The following OGDHL variants were observed in gnomAD, a reference collection of about 807,000 sequenced individuals.
The protein encoded by OGDHL is 2-oxoglutarate dehydrogenase-like, mitochondrial.
A neutral mutation model predicts 109.6 loss-of-function variants in OGDHL; 79 were observed. That is an observed-to-expected ratio of 0.72 (90% CI 0.60 to 0.87). The LOEUF (loss-of-function observed/expected upper bound fraction) is 0.87. OGDHL is among the 40% of genes least tolerant of loss of function. The probability of loss-of-function intolerance (pLI) is 0.00; values close to 1 mark genes in which losing one functional copy is unlikely to be tolerated. For synonymous variants in OGDHL, 528 were observed against 537.2 expected, an observed-to-expected ratio of 0.98 and a Z score of 0.24; for missense variants, 1,275 against 1,362.2, an observed-to-expected ratio of 0.94 and a Z score of 1.01.
At position 49,740,857 on chromosome 10, in the gene OGDHL, G is replaced by A; in HGVS notation, c.2013-20C>T. The stretch of plus-strand genomic sequence containing the variant: ...CGGTGACTGCAGAGACACAGACCGG[G>A]GCAGGGACAGAGGGCAGGTGGGCTG... On this transcript the variant is annotated intron_variant, in intron 15 of 22. Transcript: ENST00000374103. 1.2e-6 allele frequency: 2 copies of A among 1,613,348 alleles called. No homozygotes were observed. Among genetic ancestry groups the A allele is most frequent in the Non-Finnish European group, 1.7e-6 (2 of 1,179,612 alleles).
chr10:49,740,351 A>G (rs544116269), intron 16 of OGDHL, among the ~76,000 whole-genome samples: 31 of 152,212 alleles, frequency 2.0e-4, no homozygotes, highest in Non-Finnish European at 3.8e-4. Context: ...AGGAGGCAAG[A>G]TGGGGCTCAA....
chr10:49,738,728 C>A (rs138620602), intron 17 of OGDHL: 2 of 184,336 alleles, frequency 1.1e-5, no homozygotes, highest in Non-Finnish European at 2.3e-5. Context: ...AGGGGCCAAC[C>A]CAACTCGGCC....
At chr10:49,751,015 G>T in intron 6 of OGDHL, 30 bp from the exon 7 acceptor site, 1 of 1,563,156 alleles carries the variant, frequency 6.4e-7, no homozygotes, top group South Asian at 1.2e-5. Context: ...GAAGAGGAAA[G>T]GGAAAGGGAT....
rs1360406666 is a variant in OGDHL at position 49,752,696 on chromosome 10, C to A, written c.420G>T (p.Leu140=). The A allele has an allele frequency of 1.2e-6, 2 of 1,614,072 alleles. No homozygotes were observed. Among genetic ancestry groups the A allele is most frequent in the African/African-American group, 2.7e-5 (2 of 74,956 alleles). Residue 140 remains leucine, a synonymous_variant, in exon 4 of 23, where the codon CTG becomes CTT. Coordinates refer to ENST00000374103, the MANE Select transcript of OGDHL (RefSeq NM_018245.3). Reference sequence around the variant, plus strand: ...GCACAAAGGAGTCCAGGTCTGCATCCAGAATGCCCAGGGGGTCCAGCTGGG... The same window carrying A: ...GCACAAAGGAGTCCAGGTCTGCATCAAGAATGCCCAGGGGGTCCAGCTGGG... ...HVAQLDPLGI[L]DADLDSFVPS... is the part of the protein sequence containing the mutation.
rs780519341 is a variant in OGDHL at position 49,739,719 on chromosome 10, G to T, written c.2261C>A (p.Ala754Asp). 1 of 1,614,146 alleles carries T rather than the reference G, an allele frequency of 6.2e-7. No homozygotes were observed. Among genetic ancestry groups the T allele is most frequent in the Non-Finnish European group, 8.5e-7 (1 of 1,179,980 alleles). The change falls in exon 17 of 23, where the codon GCC (alanine) becomes GAC (aspartate). Residue 754 changes from alanine to aspartate, a missense_variant. By Grantham distance (126) the Ala-to-Asp change is moderately radical (BLOSUM62 -2). Coordinates refer to ENST00000374103, the MANE Select transcript of OGDHL (RefSeq NM_018245.3). ...AATGCCATTATGCCGCACCCACTTGGCCTGGCCGGTGCTGATGAACTGGTC... is the reference window on the plus strand; with the variant it reads ...AATGCCATTATGCCGCACCCACTTGTCCTGGCCGGTGCTGATGAACTGGTC... Reference protein sequence around the residue: ...IIDQFISTGQAKWVRHNGIVL... With the variant: ...IIDQFISTGQDKWVRHNGIVL...
Position 49,746,816 on chromosome 10 carries a change from G to A in OGDHL, c.1230C>T (p.Thr410=), listed in dbSNP as rs2133036405. Residue 410 remains threonine (T), a synonymous_variant, in exon 10 of 23, where the codon ACC becomes ACT. Coordinates refer to ENST00000374103, the MANE Select transcript of OGDHL (RefSeq NM_018245.3). ...AFAGQGVVYE[T]FHLSDLPSYT... The stretch of plus-strand genomic sequence containing the variant: ...AGGAGGGCAGGTCGCTCAGGTGGAA[G>A]GTCTCATATACCACGCCCTGGCCAG... The A allele has an allele frequency of 6.2e-7, 1 of 1,614,038 alleles. No homozygotes were observed. The highest frequency in any genetic ancestry group is 2.2e-5 in the East Asian group (1 of 44,866).
At position 49,738,078 on chromosome 10, in the gene OGDHL, G is replaced by A; in HGVS notation, c.2392-6C>T. 1 of 1,614,144 alleles carries A rather than the reference G, an allele frequency of 6.2e-7. No individual in the cohort carries two copies. Among genetic ancestry groups the A allele is most frequent in the African/African-American group, 1.3e-5 (1 of 75,036 alleles). On this transcript the variant is annotated splice_polypyrimidine_tract_variant and splice_region_variant and intron_variant, in intron 18 of 22. Transcript: ENST00000374103. Reference sequence around the variant, plus strand: ...TCGAAGTCCTTGGTGAATGCCTGTGGGGACGAGATGCATATGGCCAGGGTG... The same window carrying A: ...TCGAAGTCCTTGGTGAATGCCTGTGAGGACGAGATGCATATGGCCAGGGTG...
rs757032492 is a variant in OGDHL, at chr10:49,751,993, C to T, written c.595-12G>A. The T allele has an allele frequency of 1.9e-6, 3 of 1,613,992 alleles. No homozygotes were observed. Among genetic ancestry groups the T allele is most frequent in the African/African-American group, 1.3e-5 (1 of 74,924 alleles). On this transcript the variant is annotated splice_polypyrimidine_tract_variant and intron_variant, in intron 5 of 22. Transcript: ENST00000374103. The stretch of plus-strand genomic sequence containing the variant: ...TGGCAGTAGGTGTTCTGGGGAGACA[C>T]ATTGGGACCCCATGAGGAGCGGGGA...
intron 8 of OGDHL, among the ~76,000 whole-genome samples, chr10:49,748,918 T>G (rs1046744366): frequency 6.6e-6 from 1 of 152,104 alleles, no homozygotes; most frequent in Non-Finnish European, 1.5e-5. Context: ...TGAAAGAGGC[T>G]AGGCAGTGGC....
chr10:49,749,854 C>T, intron 7 of OGDHL, 38 bp from the exon 8 acceptor site: 1 of 1,538,538 alleles, frequency 6.5e-7, no homozygotes, highest in Non-Finnish European at 8.8e-7. Context: ...CTGGCAAAGC[C>T]CGCAGGCCTC....
At chr10:49,750,123 G>T (rs1036619403) in intron 7 of OGDHL, among the ~76,000 whole-genome samples, 7 of 152,166 alleles carry the variant, frequency 4.6e-5, no homozygotes, top group African/African-American at 1.7e-4. Context: ...CACGAATGGG[G>T]ACCCCTGCAC....
At chr10:49,743,879 A>C in intron 14 of OGDHL, 115 bp downstream of exon 14, 2 of 1,340,404 alleles carry the variant, frequency 1.5e-6, no homozygotes, top group Non-Finnish European at 2.0e-6. Context: ...GACCCACTAC[A>C]GACTGAGCAG....
intron 1 of OGDHL, among the ~76,000 whole-genome samples, chr10:49,760,880 C>G (rs1458142155): frequency 6.6e-6 from 1 of 152,256 alleles, no homozygotes; most frequent in East Asian, 1.9e-4. Flanking sequence ...CTGCCAGCGC[C>G]ACTCCCACCC....
chr10:49,742,437 A>C (rs1564532114), intron 15 of OGDHL, among the ~76,000 whole-genome samples: 5 of 10,766 alleles, frequency 4.6e-4, no homozygotes, highest in African/African-American at 7.3e-4. Context: ...CCACACATAC[A>C]ACAAACACAC....
chr10:49,745,631 A>C, intron 11 of OGDHL, 135 bp from the exon 12 acceptor site: 1 of 1,321,364 alleles, frequency 7.6e-7, no homozygotes, highest in East Asian at 2.4e-5. Flanking sequence ...CTATCACCGA[A>C]TGAATGTCCC....
intron 15 of OGDHL, among the ~76,000 whole-genome samples, chr10:49,742,379 A>C: frequency 9.9e-4 from 1 of 1,014 alleles, no homozygotes; most frequent in African/African-American, 2.3e-3. Context: ...ACCCACAAAT[A>C]CACACCACAC....
intron 2 of OGDHL, 24 bp from the exon 3 acceptor site, chr10:49,756,970 G>A (rs1842957102): frequency 1.9e-6 from 3 of 1,604,016 alleles, no homozygotes; most frequent in Non-Finnish European, 1.7e-6. Flanking sequence ...AAACAAGAAC[G>A]CAGCCAGGTC....
rs1461723780 is a variant in OGDHL at position 49,739,757 on chromosome 10, G to A, written c.2223C>T (p.Ala741=). 1 of 1,614,120 alleles carries A rather than the reference G, an allele frequency of 6.2e-7. No homozygotes were observed. The highest frequency in any genetic ancestry group is 1.1e-5 in the South Asian group (1 of 91,074). The change falls in exon 17 of 23, where the codon GCC becomes GCT. Residue 741 remains alanine (A), a synonymous_variant. Coordinates refer to ENST00000374103, the MANE Select transcript of OGDHL (RefSeq NM_018245.3). ...TGATGAACTGGTCGATGATGCACTG[G>A]GCCGTGTTGTGGAAGTCCCCAAACT... is the stretch of plus-strand genomic sequence containing the variant. ...EAQFGDFHNT[A]QCIIDQFIST...
chr10:49,751,911 C>G lies in OGDHL; in HGVS notation c.665G>C (p.Arg222Pro). ...INDVEQCQWI[R>P]QKFETPGVMQ... ...CACACCAGGGGTCTCAAACTTCTGC[C>G]GGATCCACTGGCACTGCTCCACATC... is the stretch of plus-strand genomic sequence containing the variant. The change falls in exon 6 of 23, where the codon CGG (arginine) becomes CCG (proline). Residue 222 changes from arginine (R) to proline (P), a missense_variant. By Grantham distance (103) the Arg-to-Pro change is moderately radical. Coordinates refer to ENST00000374103, the MANE Select transcript of OGDHL (RefSeq NM_018245.3). 6.2e-7 allele frequency: 1 copy of G among 1,614,158 alleles called. No homozygotes were observed. The highest frequency in any genetic ancestry group is 8.5e-7 in the Non-Finnish European group (1 of 1,180,024).
Sources: gnomAD v4.1 joint callset for allele counts (sites outside exome capture counted in the v4.1 genomes callset) on GRCh38, gnomAD v4.1.1 for gene constraint, MANE v1.5 for transcripts, NCBI Gene and HGNC (gene_info 2026-07-23, HGNC 2026-07-21) for gene names.